Variants in PTPN1 observed in about 807,000 individuals in gnomAD.
The protein encoded by PTPN1 is protein tyrosine phosphatase non-receptor type 1, also known as tyrosine-protein phosphatase non-receptor type 1.
PTPN1 carries 12 observed loss-of-function variants against 59.9 expected under a neutral mutation model. The ratio of observed to expected loss-of-function variants is 0.20; its 90% confidence interval spans 0.13 to 0.32. The LOEUF is 0.32. Among genes scored for constraint, PTPN1 ranks in the 10% least tolerant of loss-of-function variants. The pLI is 1.00. For missense variants in PTPN1, 356 were observed against 549.2 expected, an observed-to-expected ratio of 0.65 and a Z score of 3.52; for synonymous variants, 178 against 203.6, an observed-to-expected ratio of 0.87 and a Z score of 1.07.
In PTPN1 at chr20:50,583,264, G is replaced by A. The variant is rs2082878685; in HGVS notation, c.*549G>A. The A allele has an allele frequency of 6.4e-6, 1 of 155,232 alleles. No homozygotes were observed. Among genetic ancestry groups the A allele is most frequent in the African/African-American group, 2.4e-5 (1 of 41,518 alleles). The allele number at this position is 155,232 out of a possible 1,614,324, so 9.6% of individuals were successfully genotyped here. A position where few individuals can be genotyped will look rare whatever the true frequency, so the allele number is the denominator to read the frequency against. ...TCCTCAGGTAGTACTGGGAATGGAA[G>A]GCTTTGCCATGGGCCTGCTGCGTCA... On this transcript the variant is annotated 3_prime_UTR_variant, in exon 10 of 10. Coordinates refer to ENST00000371621, the MANE Select transcript of PTPN1 (RefSeq NM_002827.4).
intron 6 of PTPN1, 133 bp from the exon 7 acceptor site, chr20:50,579,035 A>C: frequency 9.3e-7 from 1 of 1,076,326 alleles, no homozygotes; most frequent in African/African-American, 1.6e-5. Flanking sequence ...GACACCTCCC[A>C]CCCAGCCCCA....
intron 3 of PTPN1, among the ~76,000 whole-genome samples, chr20:50,566,441 T>G (rs2122784317): frequency 6.6e-6 from 1 of 152,244 alleles, no homozygotes; most frequent in African/African-American, 2.4e-5. Flanking sequence ...CATGAGAAGC[T>G]CTGTCTGGTT....
chr20:50,570,424 T>C (rs2082802446), intron 4 of PTPN1, among the ~76,000 whole-genome samples: 1 of 152,232 alleles, frequency 6.6e-6, no homozygotes, highest in Non-Finnish European at 1.5e-5. Context: ...CTGTTGATGA[T>C]ATAATGTATC....
intron 1 of PTPN1, among the ~76,000 whole-genome samples, chr20:50,525,838 A>T (rs2082572658): frequency 6.6e-6 from 1 of 152,176 alleles, no homozygotes; most frequent in African/African-American, 2.4e-5. Flanking sequence ...AGAAGTAGAT[A>T]TATGGGGTAA....
At chr20:50,515,568 A>C (rs1456835407) in intron 1 of PTPN1, among the ~76,000 whole-genome samples, 1 of 152,142 alleles carries the variant, frequency 6.6e-6, no homozygotes, top group Non-Finnish European at 1.5e-5. Context: ...CTGGGATTAT[A>C]GGTATGAGAC....
intron 1 of PTPN1, among the ~76,000 whole-genome samples, chr20:50,511,512 C>T (rs564119614): frequency 6.6e-6 from 1 of 152,172 alleles, no homozygotes; most frequent in African/African-American, 2.4e-5. Context: ...GGAAGGTTAA[C>T]GTTTTAACCC....
At chr20:50,526,022 T>C (rs1325465558) in intron 1 of PTPN1, among the ~76,000 whole-genome samples, 1 of 152,154 alleles carries the variant, frequency 6.6e-6, no homozygotes, top group East Asian at 1.9e-4. Context: ...TGATTATGCT[T>C]TTGTTTTCTG....
At chr20:50,533,903 A>C (rs1448948511) in intron 1 of PTPN1, among the ~76,000 whole-genome samples, 1 of 152,100 alleles carries the variant, frequency 6.6e-6, no homozygotes, top group Non-Finnish European at 1.5e-5. Context: ...GAAGAGGAGC[A>C]GATTGTCTGG....
chr20:50,559,289 G>GT (rs2082740624), intron 1 of PTPN1, among the ~76,000 whole-genome samples: 1 of 152,078 alleles, frequency 6.6e-6, no homozygotes, highest in Non-Finnish European at 1.5e-5. Context: ...ACCTCGGAAT[G>GT]TTTTTATTGT....
At chr20:50,561,072 T>C (rs550360626) in intron 1 of PTPN1, among the ~76,000 whole-genome samples, 1 of 152,306 alleles carries the variant, frequency 6.6e-6, no homozygotes, top group South Asian at 2.1e-4. Context: ...TGGCATGAGA[T>C]GTGATCTCCA....
chr20:50,578,430 C>G lies in PTPN1; in HGVS notation c.503C>G (p.Thr168Ser). The G allele has an allele frequency of 6.2e-7, 1 of 1,613,684 alleles. No homozygotes were observed. ...LELENLTTQE[T>S]REILHFHYTT... The stretch of plus-strand genomic sequence containing the variant: ...ATTTTTCTCTTTCAGACCCAAGAAA[C>G]TCGAGAGATCTTACATTTCCACTAT... Residue 168 changes from threonine to serine, a missense_variant, in exon 6 of 10, where the codon ACT becomes AGT. Thr to Ser is a moderately conservative substitution (Grantham distance 58). Around this residue, in one of 3 missense-constraint regions of PTPN1, gnomAD observed 194 missense variants for 344.2 expected, o/e 0.56. Transcript: ENST00000371621.
At chr20:50,530,462 G>A (rs944693391) in intron 1 of PTPN1, among the ~76,000 whole-genome samples, 1 of 151,892 alleles carries the variant, frequency 6.6e-6, no homozygotes, top group Admixed American at 6.6e-5. Context: ...AGGTTCAAGC[G>A]AATCTCCTGC....
At chr20:50,574,321 C>T in intron 4 of PTPN1, 196 bp from the exon 5 acceptor site, 1 of 550,878 alleles carries the variant, frequency 1.8e-6, no homozygotes, top group East Asian at 3.5e-5. Context: ...GTCTGCACAA[C>T]CTGCCCCGGT....
chr20:50,542,807 A>G (rs187130928), intron 1 of PTPN1, among the ~76,000 whole-genome samples: 19 of 152,346 alleles, frequency 1.2e-4, no homozygotes, highest in African/African-American at 4.6e-4. Context: ...CTTCCATTGT[A>G]TAGACAATTT....
Position 50,568,788 on chromosome 20 carries a change from G to A in PTPN1, c.354+310G>A, listed in dbSNP as rs982033580. On this transcript the variant is annotated intron_variant, in intron 4 of 9. Coordinates refer to ENST00000371621, the MANE Select transcript of PTPN1 (RefSeq NM_002827.4). The surrounding 1 kb of genome is among the most constrained non-coding windows in gnomAD (Gnocchi z 5.6). ...CTCTCATCACAGTGTGGAGTTGTGT[G>A]TGGAGTTATGGAGACCTGCTTTTAT... 1.3e-5 allele frequency among the ~76,000 whole-genome samples: 2 copies of A among 152,160 alleles called. No individual in the cohort carries two copies. The highest frequency in any genetic ancestry group is 4.8e-5 in the African/African-American group (2 of 41,436).
At chr20:50,560,250 A>G (rs1055916700) in intron 1 of PTPN1, among the ~76,000 whole-genome samples, 2 of 151,952 alleles carry the variant, frequency 1.3e-5, no homozygotes, top group African/African-American at 4.8e-5. Context: ...CACTGTGCCA[A>G]CAGTCTTGCT....
chr20:50,545,217 A>C (rs140574823), intron 1 of PTPN1, among the ~76,000 whole-genome samples: 7,681 of 152,110 alleles, frequency 0.05, 274 homozygotes, highest in Non-Finnish European at 0.076. Context: ...CAGCCCCCCA[A>C]AGTGTTGGGA....
At chr20:50,510,747 C>A (rs1000942905) in intron 1 of PTPN1, among the ~76,000 whole-genome samples, 157 bp downstream of exon 1, 1 of 152,040 alleles carries the variant, frequency 6.6e-6, no homozygotes. Flanking sequence ...GTCCCCCCAC[C>A]CTTTGTCCCC....
intron 1 of PTPN1, among the ~76,000 whole-genome samples, chr20:50,556,518 T>A (rs1359584565): frequency 6.6e-6 from 1 of 152,230 alleles, no homozygotes; most frequent in African/African-American, 2.4e-5. Flanking sequence ...TGTTCTCTAG[T>A]ATGAGTCAAA....
Sources: gnomAD v4.1 joint callset for allele counts (sites outside exome capture counted in the v4.1 genomes callset) on GRCh38, gnomAD v4.1.1 for gene constraint, gnomAD v4.1.1 regional missense constraint, Gnocchi (gnomAD v3.1) non-coding constraint, MANE v1.5 for transcripts, NCBI Gene and HGNC (gene_info 2026-07-23, HGNC 2026-07-21) for gene names.